STN1: variants seen among roughly 807,000 people sequenced by gnomAD.
STN1 encodes STN1 subunit of CST complex.
A neutral mutation model predicts 45.5 loss-of-function variants in STN1; 29 were observed. That is an observed-to-expected ratio of 0.64 (90% CI 0.47 to 0.87). STN1 has a LOEUF of 0.87. Ranked by LOEUF, STN1 falls within the 40% of genes least tolerant of loss-of-function variation. STN1 has a pLI of 0.00. For missense variants in STN1, 376 were observed against 441.4 expected (o/e 0.85, Z 1.33); for synonymous variants, 148 against 159.0 (o/e 0.93, Z 0.52).
chr10:103,889,308 C>T lies in STN1; in HGVS notation c.877-164G>A, dbSNP rs564110699. ...TTTGATACTTGGCCTAGTGTCAAAC[C>T]AGTTCTGCCCAGAGGACACGTCCTT... On this transcript the variant is annotated intron_variant, in intron 8 of 9. Coordinates refer to ENST00000224950, the MANE Select transcript of STN1 (RefSeq NM_024928.5). 2.0e-5 allele frequency among the ~76,000 whole-genome samples: 3 copies of T among 152,116 alleles called. No homozygotes were observed. In the East Asian group the frequency reaches 5.8e-4, roughly 29 times the overall value.
chr10:103,889,086 C>A lies in STN1; in HGVS notation c.935G>T (p.Cys312Phe), dbSNP rs753139908. ...ATACCACTTACGATTTGGTTTCTGGCAGTCCTGCTGAATGATCCGGTGGAT... is the reference window on the plus strand; with the variant it reads ...ATACCACTTACGATTTGGTTTCTGGAAGTCCTGCTGAATGATCCGGTGGAT... ...RKIHRIIQQD[C>F]QKPNHMEKGC... The change falls in exon 9 of 10, where the codon TGC becomes TTC. Residue 312 changes from cysteine (C) to phenylalanine (F), a missense_variant. By Grantham distance (205) the Cys-to-Phe change is radical. Transcript: ENST00000224950. The A allele has an allele frequency of 6.2e-7, 1 of 1,612,834 alleles. No individual in the cohort carries two copies. The highest frequency in any genetic ancestry group is 8.5e-7 in the Non-Finnish European group (1 of 1,178,876).
chr10:103,899,928 C>T (rs1843195795), intron 5 of STN1, 134 bp downstream of exon 5: 9 of 644,590 alleles, frequency 1.4e-5, no homozygotes, highest in Middle Eastern at 3.9e-4. Context: ...GCATGTTAAA[C>T]AATGTAATTC....
chr10:103,887,947 G>A (rs1460671322), intron 9 of STN1, among the ~76,000 whole-genome samples: 1 of 152,220 alleles, frequency 6.6e-6, no homozygotes, highest in Non-Finnish European at 1.5e-5. Context: ...CTTCTTGGCT[G>A]AGGAATCCCA....
chr10:103,916,502 T>C (rs766281892), intron 2 of STN1, among the ~76,000 whole-genome samples: 40 of 152,338 alleles, frequency 2.6e-4, no homozygotes, highest in Middle Eastern at 3.4e-3. Context: ...CATCCAAATA[T>C]ATTTGTACAT....
chr10:103,911,517 G>A (rs1843291014), intron 2 of STN1, among the ~76,000 whole-genome samples: 1 of 152,018 alleles, frequency 6.6e-6, no homozygotes, highest in Non-Finnish European at 1.5e-5. Context: ...TTCAGAAACA[G>A]GTTATAAACT....
intron 7 of STN1, among the ~76,000 whole-genome samples, chr10:103,895,439 G>A (rs956867227): frequency 2.0e-5 from 3 of 152,186 alleles, no homozygotes; most frequent in Non-Finnish European, 4.4e-5. Context: ...AGAATCATCA[G>A]AAGTCCTAGG....
chr10:103,908,994 G>A (rs1250404641), intron 3 of STN1, among the ~76,000 whole-genome samples: 1 of 151,672 alleles, frequency 6.6e-6, no homozygotes, highest in Non-Finnish European at 1.5e-5. Context: ...TAAACAGAAT[G>A]GACCCACAAA....
intron 7 of STN1, among the ~76,000 whole-genome samples, chr10:103,895,932 G>GACAT: frequency 6.6e-6 from 1 of 152,196 alleles, no homozygotes; most frequent in East Asian, 1.9e-4. Flanking sequence ...GAATCTGTGA[G>GACAT]ACATACGTCA....
chr10:103,909,966 T>G (rs1843279165), intron 3 of STN1, among the ~76,000 whole-genome samples: 1 of 152,182 alleles, frequency 6.6e-6, no homozygotes, highest in African/African-American at 2.4e-5. Context: ...ATTTGAGCAA[T>G]TCTCTGGTGT....
intron 7 of STN1, among the ~76,000 whole-genome samples, chr10:103,896,005 G>T (rs1290553612): frequency 6.6e-6 from 1 of 152,190 alleles, no homozygotes; most frequent in African/African-American, 2.4e-5. Context: ...AACAGAAGGG[G>T]CTACAGTGAC....
At chr10:103,888,078 T>C (rs979081694) in intron 9 of STN1, among the ~76,000 whole-genome samples, 2 of 152,212 alleles carry the variant, frequency 1.3e-5, no homozygotes, top group African/African-American at 4.8e-5. Context: ...TGCACTGAAA[T>C]AATATATTGC....
intron 2 of STN1, among the ~76,000 whole-genome samples, chr10:103,914,359 TA>T (rs58749165): frequency 0.057 from 2,407 of 42,456 alleles, 189 homozygotes; most frequent in African/African-American, 0.1. Context: ...TATATATATA[TA>T]TATATATATA....
At chr10:103,888,237 G>T (rs1291869201) in intron 9 of STN1, among the ~76,000 whole-genome samples, 1 of 152,224 alleles carries the variant, frequency 6.6e-6, no homozygotes, top group Non-Finnish European at 1.5e-5. Flanking sequence ...ACAGGTCCAG[G>T]CCCCAGGGAT....
intron 6 of STN1, among the ~76,000 whole-genome samples, 183 bp from the exon 7 acceptor site, chr10:103,897,902 G>A (rs1843182060): frequency 6.6e-6 from 1 of 152,006 alleles, no homozygotes; most frequent in Non-Finnish European, 1.5e-5. Context: ...AGAACTACAG[G>A]AACTAAGATA....
rs531597785 is a variant in STN1 at position 103,902,453 on chromosome 10, A to G, written c.296-2230T>C. 2.0e-5 allele frequency among the ~76,000 whole-genome samples: 3 copies of G among 152,326 alleles called. 1 individual carries two copies. The South Asian group carries it at 6.2e-4, about 32-fold the overall frequency. ...AAAAAGAGGCCCACCTTTCACTTAA[A>G]GGGTGAGCCAAGTTGCCAAAAGGAG... On this transcript the variant is annotated intron_variant, in intron 4 of 9. Transcript: ENST00000224950.
At chr10:103,915,033 C>G (rs1843321293) in intron 2 of STN1, among the ~76,000 whole-genome samples, 4 of 152,188 alleles carry the variant, frequency 2.6e-5, no homozygotes, top group Admixed American at 2.6e-4. Context: ...AGGTGCTATA[C>G]TTATGATTAT....
chr10:103,880,596 T>G lies in STN1; in HGVS notation c.*2088A>C, dbSNP rs757260550. 6.6e-6 allele frequency among the ~76,000 whole-genome samples: 1 copy of G among 152,212 alleles called. No individual in the cohort carries two copies. The highest frequency in any genetic ancestry group is 1.5e-5 in the Non-Finnish European group (1 of 68,042). On this transcript the variant is annotated 3_prime_UTR_variant, in exon 10 of 10. Transcript: ENST00000224950. Reference sequence around the variant, plus strand: ...AAATCTGAGATGTCCATTAGAGACCTAAGTGGAGATGTCAGTAGCAAACTG... The same window carrying G: ...AAATCTGAGATGTCCATTAGAGACCGAAGTGGAGATGTCAGTAGCAAACTG...
chr10:103,893,740 G>A (rs1290845941), intron 7 of STN1, among the ~76,000 whole-genome samples: 1 of 152,172 alleles, frequency 6.6e-6, no homozygotes, highest in East Asian at 1.9e-4. Flanking sequence ...TCTCTTTCTA[G>A]AAGAGACCTC....
intron 7 of STN1, among the ~76,000 whole-genome samples, chr10:103,892,950 TC>T (rs1277832206): frequency 1.3e-5 from 2 of 152,142 alleles, no homozygotes; most frequent in Non-Finnish European, 2.9e-5. Context: ...ATCAGCTATG[TC>T]CCCCCATGCT....
Sources: allele counts gnomAD v4.1 joint callset (sites outside exome capture counted in the v4.1 genomes callset), GRCh38; gene constraint gnomAD v4.1.1; transcripts MANE v1.5; gene names NCBI Gene and HGNC (gene_info 2026-07-23, HGNC 2026-07-21).